APC2: variants seen among roughly 807,000 people sequenced by gnomAD.
The protein encoded by APC2 is APC regulator of Wnt signaling pathway 2.
In APC2, 41 loss-of-function variants were observed where a neutral mutation model predicts 72.5. The observed-to-expected ratio is 0.57, with a 90% CI of 0.44 to 0.73. APC2 has a LOEUF of 0.73. Ranked by LOEUF, APC2 falls within the 30% of genes least tolerant of loss-of-function variation. The pLI, the probability that APC2 is intolerant of heterozygous loss-of-function variation, is 0.00. For missense variants in APC2, 3,729 were observed against 3,403.4 expected (o/e 1.10, Z -2.38); for synonymous variants, 1,898 against 1,612.0 (o/e 1.18, Z -4.25).
At chr19:1,460,116 G>A in intron 10 of APC2, 65 bp from the exon 11 acceptor site, 1 of 1,604,488 alleles carries the variant, frequency 6.2e-7, no homozygotes, top group South Asian at 1.1e-5. Context: ...AAGGGAGTGA[G>A]GTGGGGCGCT....
Position 1,469,310 on chromosome 19 carries a change from C to T in APC2, c.6009C>T (p.Gly2003=). 4.2e-6 allele frequency: 6 copies of T among 1,414,578 alleles called. No homozygotes were observed. The highest frequency in any genetic ancestry group is 5.6e-6 in the Non-Finnish European group (6 of 1,080,972). 87.6% of individuals were successfully genotyped at this position (1,414,578 alleles called of 1,614,324 possible). ...RQLTFIKESP[G]LRRRRSELSS... ...TAACCTTCATCAAGGAGTCGCCGGG[C>T]TTGCGGCGCCGCCGCTCCGAGCTGT... is the stretch of plus-strand genomic sequence containing the variant. The change falls in exon 15 of 15, where the codon GGC becomes GGT. Residue 2003 remains glycine, a synonymous_variant. Transcript: ENST00000590469.
chr19:1,457,898 G>GGGGGGGGGGGGTGGGGGGGGGGGGGGGA (rs1555675929), intron 9 of APC2, 67 bp from the exon 10 acceptor site: 1 of 1,430,168 alleles, frequency 7.0e-7, no homozygotes, highest in Non-Finnish European at 9.4e-7. Flanking sequence ...CGGGTTGCGG[G>GGGGGGGGGGGGTGGGGGGGGGGGGGGGA]ACCTTCGGGA....
At chr19:1,464,161 TAGCC>T (rs1336931006) in intron 14 of APC2, among the ~76,000 whole-genome samples, 1 of 152,040 alleles carries the variant, frequency 6.6e-6, no homozygotes, top group East Asian at 1.9e-4. Context: ...ATATAAAAAT[TAGCC>T]AGGCGGGGTG....
Position 1,454,563 on chromosome 19 carries a change from C to CTTTTTTT in APC2, c.414-574_414-568dup, listed in dbSNP as rs71174371. 9.7e-3 allele frequency among the ~76,000 whole-genome samples: 1,127 copies of CTTTTTTT among 116,076 alleles called. 18 individuals are homozygous for CTTTTTTT. The highest frequency in any genetic ancestry group is 0.015 in the South Asian group (55 of 3,654). 76.2% of individuals were successfully genotyped at this position (116,076 alleles called of 152,430 possible). ...CATCATGCCTGGCTAATCTTTTGTA[C>CTTTTTTT]TTTTTTTTTTTTTTTTTTGAGACGG... On this transcript the variant is annotated intron_variant, in intron 4 of 14. Coordinates refer to ENST00000590469, the MANE Select transcript of APC2 (RefSeq NM_005883.3).
At chr19:1,461,902 TG>T in intron 13 of APC2, 60 bp from the exon 14 acceptor site, 2 of 1,405,640 alleles carry the variant, frequency 1.4e-6, no homozygotes, top group Non-Finnish European at 2.0e-6. Context: ...AATGTGAGCG[TG>T]GGAGCCTTTC....
At chr19:1,463,437 A>AATAG (rs2083958136) in intron 14 of APC2, among the ~76,000 whole-genome samples, 1 of 148,516 alleles carries the variant, frequency 6.7e-6, no homozygotes, top group African/African-American at 2.5e-5. Context: ...AAAAAAATTA[A>AATAG]CCAGGTGTGG....
upstream of APC2, among the ~76,000 whole-genome samples, chr19:1,448,572 G>C (rs530535667): frequency 1.4e-5 from 2 of 145,676 alleles, no homozygotes; most frequent in East Asian, 4.2e-4. Flanking sequence ...AAGGCCGGGC[G>C]TGGTGGTTCA....
chr19:1,457,459 C>G lies in APC2; in HGVS notation c.1207+216C>G, dbSNP rs1257723679. The G allele has an allele frequency of 2.2e-5, 14 of 648,954 alleles. No individual in the cohort carries two copies. In the East Asian group the frequency reaches 4.4e-4, roughly 20 times the overall value. The allele number at this position is 648,954 out of a possible 1,614,324, so 40.2% of individuals were successfully genotyped here. ...CGCAGAGTAAACGCTCGGGAAGTCG[C>G]TGAATGCATGGATGGATCGTGGGTA... On this transcript the variant is annotated intron_variant, in intron 9 of 14. Coordinates refer to ENST00000590469, the MANE Select transcript of APC2 (RefSeq NM_005883.3).
intron 14 of APC2, among the ~76,000 whole-genome samples, chr19:1,463,887 C>G (rs550674687): frequency 6.6e-6 from 1 of 152,168 alleles, no homozygotes; most frequent in South Asian, 2.1e-4. Flanking sequence ...TAAAAATTAA[C>G]TTATTGGCTG....
At position 1,465,594 on chromosome 19, in the gene APC2, G is replaced by T; in HGVS notation, c.2293G>T (p.Asp765Tyr). 1.9e-6 allele frequency: 3 copies of T among 1,584,866 alleles called. No homozygotes were observed. The highest frequency in any genetic ancestry group is 2.6e-6 in the Non-Finnish European group (3 of 1,167,262). The change falls in exon 15 of 15, where the codon GAC (aspartate) becomes TAC (tyrosine). Residue 765 changes from aspartate to tyrosine, a missense_variant. Asp to Tyr is a radical substitution (Grantham distance 160). Coordinates refer to ENST00000590469, the MANE Select transcript of APC2 (RefSeq NM_005883.3). ...KKPLPPLRHL[D>Y]GLAQDYASDS... ...GCCGCTGCCGCCCCTGCGACACCTG[G>T]ACGGCCTGGCCCAAGACTATGCTTC...
Position 1,469,589 on chromosome 19 carries a change from C to G in APC2, c.6288C>G (p.Val2096=), listed in dbSNP as rs922623531. Residue 2096 remains valine, a synonymous_variant, in exon 15 of 15, where the codon GTC becomes GTG. Transcript: ENST00000590469. Reference sequence around the variant, plus strand: ...CGCCCGCCGCCCGGCCGGAGACTGTCAAGCGCTACGCGTCGCTGCCGCACA... The same window carrying G: ...CGCCCGCCGCCCGGCCGGAGACTGTGAAGCGCTACGCGTCGCTGCCGCACA... ...VRAPAARPET[V]KRYASLPHIS... 9 of 1,261,550 alleles carry G rather than the reference C, an allele frequency of 7.1e-6. No individual in the cohort carries two copies. In the African/African-American group the frequency reaches 1.4e-4, roughly 20 times the overall value. 78.1% of individuals were successfully genotyped at this position (1,261,550 alleles called of 1,614,324 possible).
rs1291525373 is a variant in APC2, at chr19:1,454,594, C to T, written c.414-555C>T. Among the ~76,000 whole-genome samples, 9 of 134,204 alleles carry T rather than the reference C, an allele frequency of 6.7e-5. No individual in the cohort carries two copies. The South Asian group carries it at 1.1e-3, about 17-fold the overall frequency. 88.0% of individuals were successfully genotyped at this position (134,204 alleles called of 152,430 possible). On this transcript the variant is annotated intron_variant, in intron 4 of 14. Coordinates refer to ENST00000590469, the MANE Select transcript of APC2 (RefSeq NM_005883.3). ...TTTTTTTTTTTTTGAGACGGAGTCT[C>T]GCTCTGTCGCCCAAGCTGGAGTGCA...
Position 1,467,574 on chromosome 19 carries a change from A to T in APC2, c.4273A>T (p.Arg1425Trp), listed in dbSNP as rs766743498. The T allele has an allele frequency of 2.3e-5, 35 of 1,510,914 alleles. No individual in the cohort carries two copies. The highest frequency in any genetic ancestry group is 2.6e-6 in the Non-Finnish European group (3 of 1,135,908). The allele number at this position is 1,510,914 out of a possible 1,614,324, so 93.6% of individuals were successfully genotyped here. ...GGACCAGCCCGGGGGACCAGCGGGC[A>T]GGCAAAGACCCACCGGCCGCCCCAC... is the stretch of plus-strand genomic sequence containing the variant. ...PRDQPGGPAG[R>W]QRPTGRPTSA... is the part of the protein sequence containing the mutation. Residue 1425 changes from arginine (R) to tryptophan (W), a missense_variant, in exon 15 of 15, where the codon AGG (arginine) becomes TGG (tryptophan). By Grantham distance (101) the Arg-to-Trp change is moderately radical. Coordinates refer to ENST00000590469, the MANE Select transcript of APC2 (RefSeq NM_005883.3).
At chr19:1,462,937 C>G (rs2083951079) in intron 14 of APC2, among the ~76,000 whole-genome samples, 1 of 147,980 alleles carries the variant, frequency 6.8e-6, no homozygotes, top group African/African-American at 2.5e-5. Flanking sequence ...TGCCACTGCA[C>G]TCCAGATTGG....
chr19:1,456,974 G>C lies in APC2; in HGVS notation c.938G>C (p.Cys313Ser), dbSNP rs1352543397. 2.0e-6 allele frequency: 3 copies of C among 1,537,868 alleles called. No homozygotes were observed. Among genetic ancestry groups the C allele is most frequent in the African/African-American group, 2.7e-5 (2 of 72,754 alleles). The change falls in exon 9 of 15, where the codon TGT (cysteine) becomes TCT (serine). Residue 313 changes from cysteine (C) to serine (S), a missense_variant. Cys to Ser is a moderately radical substitution (Grantham distance 112). Coordinates refer to ENST00000590469, the MANE Select transcript of APC2 (RefSeq NM_005883.3). ...TGCGTGGCCATGCGCCGCTCGGGCT[G>C]TCTGCCTCTGCTGCTGCAAATCCTC... The part of the protein sequence containing the change: ...ESCVAMRRSG[C>S]LPLLLQILHG...
chr19:1,469,116 C>A lies in APC2; in HGVS notation c.5815C>A (p.Arg1939Ser), dbSNP rs918706130. ...CCCGTTCATGCAGAGGCCGGCCCGGCGTGGGCCGCCACCGCTGGCTCGGGC... is the reference window on the plus strand; with the variant it reads ...CCCGTTCATGCAGAGGCCGGCCCGGAGTGGGCCGCCACCGCTGGCTCGGGC... ...RIPFMQRPAR[R>S]GPPPLARAVP... The change falls in exon 15 of 15, where the codon CGT (arginine) becomes AGT (serine). Residue 1939 changes from arginine to serine, a missense_variant. Arg to Ser is a moderately radical substitution (Grantham distance 110, BLOSUM62 -1). Coordinates refer to ENST00000590469, the MANE Select transcript of APC2 (RefSeq NM_005883.3). The A allele has an allele frequency of 4.4e-6, 6 of 1,363,748 alleles. No individual in the cohort carries two copies. Among genetic ancestry groups the A allele is most frequent in the South Asian group, 1.7e-5 (1 of 57,656 alleles). 84.5% of individuals were successfully genotyped at this position (1,363,748 alleles called of 1,614,324 possible).
At chr19:1,446,490 C>T, upstream of APC2, 1 of 524,552 alleles carries the variant, frequency 1.9e-6, no homozygotes, top group Non-Finnish European at 2.4e-6. This position sits in a 1 kb window ranked among gnomAD's most constrained non-coding sequence, Gnocchi z 6.1. Context: ...AGTGCCGTCG[C>T]CGTAGAGACC....
rs780627166 is a variant in APC2, at chr19:1,465,794, G to A, written c.2493G>A (p.Lys831=). The part of the protein sequence containing the change: ...PTRRGGKEAE[K]DTSGEAAVAA... ...GCCGAGGCGGCAAGGAGGCAGAGAA[G>A]GACACCAGTGGGGAGGCAGCCGTGG... The change falls in exon 15 of 15, where the codon AAG becomes AAA. Residue 831 remains lysine (K), a synonymous_variant. Transcript: ENST00000590469. 2.2e-5 allele frequency: 35 copies of A among 1,580,510 alleles called. No homozygotes were observed. The highest frequency in any genetic ancestry group is 2.7e-5 in the Non-Finnish European group (32 of 1,165,136).
chr19:1,457,018 G>A lies in APC2; in HGVS notation c.982G>A (p.Ala328Thr). ...AATCCTCCACGGCACCGAGGCCGCG[G>A]CCGGGGGTCGCGCCGGGGCCCCAGG... ...LQILHGTEAAAGGRAGAPGAP... is the reference protein window; with the variant it reads ...LQILHGTEAATGGRAGAPGAP... The change falls in exon 9 of 15, where the codon GCC (alanine) becomes ACC (threonine). Residue 328 changes from alanine (A) to threonine (T), a missense_variant. By Grantham distance (58) the Ala-to-Thr change is moderately conservative. Coordinates refer to ENST00000590469, the MANE Select transcript of APC2 (RefSeq NM_005883.3). 2.0e-6 allele frequency: 3 copies of A among 1,527,818 alleles called. No individual in the cohort carries two copies. Among genetic ancestry groups the A allele is most frequent in the Admixed American group, 2.0e-5 (1 of 49,438 alleles). 94.6% of individuals were successfully genotyped at this position (1,527,818 alleles called of 1,614,324 possible). A position where few individuals can be genotyped will look rare whatever the true frequency, so the allele number is the denominator to read the frequency against.
Sources: gnomAD v4.1 joint callset for allele counts (sites outside exome capture counted in the v4.1 genomes callset) on GRCh38, gnomAD v4.1.1 for gene constraint, Gnocchi (gnomAD v3.1) non-coding constraint, MANE v1.5 for transcripts, NCBI Gene and HGNC (gene_info 2026-07-23, HGNC 2026-07-21) for gene names.